The following TLE3 variants were observed in gnomAD, a reference collection of about 807,000 sequenced individuals.
TLE3 encodes the protein transducin-like enhancer protein 3.
Under a neutral mutation model 93.0 loss-of-function variants are expected in TLE3, and 14 were observed. That is an observed-to-expected ratio of 0.15 (90% CI 0.10 to 0.24). The LOEUF is 0.24. Ranked by LOEUF, TLE3 falls within the 10% of genes least tolerant of loss-of-function variation. The pLI, the probability that TLE3 is intolerant of heterozygous loss-of-function variation, is 1.00. For synonymous variants in TLE3, 451 were observed against 425.0 expected (o/e 1.06, Z -0.75); for missense variants, 693 against 1,046.6 (o/e 0.66, Z 4.66).
At chr15:70,089,943 C>T (rs1385853058) in intron 4 of TLE3, among the ~76,000 whole-genome samples, 1 of 152,096 alleles carries the variant, frequency 6.6e-6, no homozygotes, top group Non-Finnish European at 1.5e-5. Flanking sequence ...AGAATGAGTC[C>T]CGAATTAGGA....
rs1332115287 is a variant in TLE3 at position 70,051,372 on chromosome 15, C to T, written c.2202+19G>A. The T allele has an allele frequency of 8.1e-6, 13 of 1,595,748 alleles. No homozygotes were observed. Among genetic ancestry groups the T allele is most frequent in the Non-Finnish European group, 1.1e-5 (13 of 1,170,742 alleles). On this transcript the variant is annotated intron_variant, in intron 19 of 19. Transcript: ENST00000451782. The stretch of plus-strand genomic sequence containing the variant: ...ACTCTGGGTAGAACCCAGAGGAGGA[C>T]TCAGACGGTGGGCAGTACCTGGAAT...
rs368446027 is a variant in TLE3, at chr15:70,059,396, G to A, written c.765+14C>T. ...CCAAACCAAGAGCCCCCTTGCGACC[G>A]GGCCTGCCCATACCTCATTGGAAAC... On this transcript the variant is annotated intron_variant, in intron 10 of 19. Transcript: ENST00000451782. 1.8e-4 allele frequency: 285 copies of A among 1,606,980 alleles called. No individual in the cohort carries two copies. Among genetic ancestry groups the A allele is most frequent in the Admixed American group, 3.4e-4 (20 of 59,090 alleles).
At chr15:70,067,995 T>A (rs1759996068) in intron 6 of TLE3, among the ~76,000 whole-genome samples, 1 of 152,206 alleles carries the variant, frequency 6.6e-6, no homozygotes, top group African/African-American at 2.4e-5. Context: ...GGAGCCAGCA[T>A]CACAGAGTCC....
At chr15:70,080,712 A>T (rs188071148) in intron 4 of TLE3, among the ~76,000 whole-genome samples, 1 of 152,316 alleles carries the variant, frequency 6.6e-6, no homozygotes, top group East Asian at 1.9e-4. Context: ...AACCGAGGGT[A>T]CTTGAGCATT....
intron 4 of TLE3, among the ~76,000 whole-genome samples, chr15:70,081,754 G>C (rs577105573): frequency 6.6e-6 from 1 of 152,220 alleles, no homozygotes; most frequent in Non-Finnish European, 1.5e-5. Flanking sequence ...GCATGGTACT[G>C]TGAGTCTGAG....
At chr15:70,084,826 A>G (rs1252088130) in intron 4 of TLE3, among the ~76,000 whole-genome samples, 4 of 152,192 alleles carry the variant, frequency 2.6e-5, no homozygotes, top group Non-Finnish European at 4.4e-5. Context: ...CTTGTCCTCT[A>G]TGTCTGAGGC....
At chr15:70,063,004 A>C (rs1025074237) in intron 8 of TLE3, among the ~76,000 whole-genome samples, 5 of 152,190 alleles carry the variant, frequency 3.3e-5, no homozygotes, top group African/African-American at 1.2e-4. Flanking sequence ...GATGAGGATG[A>C]GGTAAAGACT....
rs570356078 is a variant in TLE3 at position 70,097,009 on chromosome 15, C to A, written c.-211G>T. 4,769 of 607,534 alleles carry A rather than the reference C, an allele frequency of 7.8e-3. 32 individuals carry two copies. Among genetic ancestry groups the A allele is most frequent in the Non-Finnish European group, 0.011 (3,865 of 355,850 alleles). The allele number at this position is 607,534 out of a possible 1,614,324, so 37.6% of individuals were successfully genotyped here. On this transcript the variant is annotated 5_prime_UTR_variant, in exon 1 of 20. Transcript: ENST00000451782. ...AGAGCCGCGGAGCAGGCGGCAAAGT[C>A]GTCGGCGGGCGCCGGGGCCGGGCGG... is the stretch of plus-strand genomic sequence containing the variant.
intron 16 of TLE3, 150 bp from the exon 17 acceptor site, chr15:70,053,524 C>A: frequency 1.1e-6 from 1 of 896,138 alleles, no homozygotes. Flanking sequence ...TGCAGCAAAG[C>A]TAGCCCCGGC....
intron 4 of TLE3, among the ~76,000 whole-genome samples, chr15:70,089,180 C>G (rs1057277023): frequency 6.6e-6 from 1 of 152,228 alleles, no homozygotes; most frequent in African/African-American, 2.4e-5. Flanking sequence ...CCCTCCCTTT[C>G]AGACTCGCGC....
Position 70,060,629 on chromosome 15 carries a change from C to G in TLE3, c.615G>C (p.Ser205=), listed in dbSNP as rs2228176. ...GCTTCTCACTGGCCCGGAGGCTTTC[C>G]GAGGGTGACACAGAGTTATTCTGGA... ...ESSANNSVSP[S]ESLRASEKHR... The change falls in exon 9 of 20, where the codon TCG becomes TCC. Residue 205 remains serine, a synonymous_variant. Coordinates refer to ENST00000451782, the MANE Select transcript of TLE3 (RefSeq NM_001105192.3). The G allele has an allele frequency of 0.28, 445,889 of 1,613,574 alleles. 63,777 individuals carry two copies. Among genetic ancestry groups the G allele is most frequent in the Admixed American group, 0.4 (23,727 of 59,992 alleles).
intron 4 of TLE3, among the ~76,000 whole-genome samples, chr15:70,081,315 TCACATGAATTTACAAAAGACCAG>T (rs1053811880): frequency 1.3e-5 from 2 of 152,210 alleles, no homozygotes; most frequent in Non-Finnish European, 2.9e-5. Context: ...AAACAGAGCA[TCACATGAATTTACAAAAGACCAG>T]CAGAGAAGAG....
chr15:70,084,730 T>C (rs535933817), intron 4 of TLE3, among the ~76,000 whole-genome samples: 1 of 148,868 alleles, frequency 6.7e-6, no homozygotes, highest in East Asian at 2.0e-4. Context: ...GCGCCCACGG[T>C]GCCTACACTG....
chr15:70,054,097 G>A lies in TLE3; in HGVS notation c.1826+341C>T, dbSNP rs137972096. On this transcript the variant is annotated intron_variant, in intron 16 of 19. Transcript: ENST00000451782. ...GTCCTGAGGCTTGTTTAGCTACCAC[G>A]TGATGTGGCTTCCCAGTCGGGTCTC... 1.0e-3 allele frequency: 225 copies of A among 218,264 alleles called. 1 individual carries two copies. The highest frequency in any genetic ancestry group is 1.5e-3 in the Non-Finnish European group (171 of 110,902). The allele number at this position is 218,264 out of a possible 1,614,324, so 13.5% of individuals were successfully genotyped here.
Position 70,057,485 on chromosome 15 carries a change from GGCC to G in TLE3, c.1222_1224del (p.Gly408del). ...GCTCCAAAGCTCACCATTGGCGATC[GGCC>G]ATAGGCAGCGGCTGCAGCAGCGGCG... is the stretch of plus-strand genomic sequence containing the variant. On this transcript the variant is annotated inframe_deletion, in exon 13 of 20. Coordinates refer to ENST00000451782, the MANE Select transcript of TLE3 (RefSeq NM_001105192.3). 2 of 1,607,800 alleles carry G rather than the reference GGCC, an allele frequency of 1.2e-6. No individual in the cohort carries two copies. The highest frequency in any genetic ancestry group is 1.7e-6 in the Non-Finnish European group (2 of 1,177,282).
chr15:70,057,642 C>T lies in TLE3; in HGVS notation c.1068G>A (p.Thr356=), dbSNP rs1261641634. ...GMDPIASALR[T]PISITSSYAA... ...CATAGGAGCTGGTGATGGAGATGGG[C>T]GTGCGCAGAGCCGAGGCTGCGAGGG... The change falls in exon 13 of 20, where the codon ACG becomes ACA. Residue 356 remains threonine, a synonymous_variant. Coordinates refer to ENST00000451782, the MANE Select transcript of TLE3 (RefSeq NM_001105192.3). 4.4e-6 allele frequency: 7 copies of T among 1,578,612 alleles called. No homozygotes were observed. Among genetic ancestry groups the T allele is most frequent in the Non-Finnish European group, 5.1e-6 (6 of 1,167,172 alleles).
chr15:70,074,415 C>A, intron 6 of TLE3, 118 bp downstream of exon 6: 3 of 1,300,636 alleles, frequency 2.3e-6, no homozygotes, highest in Non-Finnish European at 3.2e-6. Flanking sequence ...GAAGCCGGAG[C>A]CCTGGGGCCG....
chr15:70,076,293 C>T, intron 4 of TLE3, 135 bp from the exon 5 acceptor site: 1 of 753,022 alleles, frequency 1.3e-6, no homozygotes, highest in South Asian at 1.6e-5. Flanking sequence ...TGCCCTCAGT[C>T]AGCCTCCTAC....
rs776647208 is a variant in TLE3, at chr15:70,058,189, G to A, written c.1021C>T (p.Pro341Ser). Residue 341 changes from proline to serine, a missense_variant, in exon 12 of 20, where the codon CCG becomes TCG. Coordinates refer to ENST00000451782, the MANE Select transcript of TLE3 (RefSeq NM_001105192.3). The surrounding 1 kb of genome is among the most constrained non-coding windows in gnomAD (Gnocchi z 4.1). ...GGGTCCATGCCCGGAGGTTTACCCG[G>A]CATCGACCTGAGCCCTGGGGTCGTG... ...TSTTPGLRSM[P>S]GKPPGMDPIA... 3 of 1,613,970 alleles carry A rather than the reference G, an allele frequency of 1.9e-6. No homozygotes were observed. Among genetic ancestry groups the A allele is most frequent in the Admixed American group, 1.7e-5 (1 of 60,014 alleles).
Sources: allele counts gnomAD v4.1 joint callset (sites outside exome capture counted in the v4.1 genomes callset), GRCh38; gene constraint gnomAD v4.1.1; non-coding constraint Gnocchi (gnomAD v3.1); transcripts MANE v1.5; gene names NCBI Gene and HGNC (gene_info 2026-07-23, HGNC 2026-07-21).